LMCD1: variants seen among roughly 807,000 people sequenced by gnomAD.
LMCD1 encodes the protein LIM and cysteine-rich domains protein 1.
In LMCD1, 32 loss-of-function variants were observed where a neutral mutation model predicts 42.7. The ratio of observed to expected loss-of-function variants is 0.75; its 90% CI spans 0.57 to 1.01. The LOEUF (loss-of-function observed/expected upper bound fraction) is 1.01, where lower values mean the gene tolerates loss of function less well. LMCD1 is among the 50% of genes least tolerant of loss of function. The pLI is 0.00. For missense variants in LMCD1, 458 were observed against 483.1 expected, an observed-to-expected ratio of 0.95 and a Z score of 0.49; for synonymous variants, 178 against 184.9, an observed-to-expected ratio of 0.96 and a Z score of 0.30.
intron 1 of LMCD1, among the ~76,000 whole-genome samples, chr3:8,530,188 C>G (rs987886987): frequency 6.6e-6 from 1 of 152,168 alleles, no homozygotes; most frequent in African/African-American, 2.4e-5. Context: ...ATTCTCTGTC[C>G]CACTCCCAAC....
At chr3:8,516,160 A>G (rs13075586) in intron 1 of LMCD1, among the ~76,000 whole-genome samples, 60,290 of 151,900 alleles carry the variant, frequency 0.4, 12,892 homozygotes, top group Non-Finnish European at 0.49. Flanking sequence ...CTGAACCTCG[A>G]GGCCCTCTCT....
chr3:8,518,988 A>G (rs2454587), intron 1 of LMCD1, among the ~76,000 whole-genome samples: 53 of 152,302 alleles, frequency 3.5e-4, no homozygotes, highest in African/African-American at 1.2e-3. Flanking sequence ...GATGGCATAG[A>G]TGAAGCATAG....
chr3:8,545,100 T>C (rs1694708817), intron 3 of LMCD1, among the ~76,000 whole-genome samples: 1 of 152,242 alleles, frequency 6.6e-6, no homozygotes, highest in Non-Finnish European at 1.5e-5. Flanking sequence ...ACCTGAGACC[T>C]TGTCGATTCT....
chr3:8,538,491 G>A (rs1476805772), intron 3 of LMCD1, among the ~76,000 whole-genome samples: 1 of 152,158 alleles, frequency 6.6e-6, no homozygotes, highest in Admixed American at 6.5e-5. Flanking sequence ...CTATCCTTCA[G>A]GCTCCTCCAT....
At chr3:8,528,386 G>A (rs534082759) in intron 1 of LMCD1, among the ~76,000 whole-genome samples, 34 of 152,000 alleles carry the variant, frequency 2.2e-4, no homozygotes, top group African/African-American at 8.0e-4. Flanking sequence ...GTAGGGATTG[G>A]GGTCTCACTA....
chr3:8,571,485 T>C lies in LMCD1; in HGVS notation c.*3887T>C, dbSNP rs999931542. On this transcript the variant is annotated 3_prime_UTR_variant, in exon 6 of 6. Coordinates refer to ENST00000157600, the MANE Select transcript of LMCD1 (RefSeq NM_014583.4). ...CTTCTTCCTAGTGGCAAGGAAGCAGTGGGTGGAGAGGGTGAGTTCCTGTCA... is the reference window on the plus strand; with the variant it reads ...CTTCTTCCTAGTGGCAAGGAAGCAGCGGGTGGAGAGGGTGAGTTCCTGTCA... 2 of 152,036 alleles carry C rather than the reference T, an allele frequency of 1.3e-5. No homozygotes were observed. The highest frequency in any genetic ancestry group is 4.8e-5 in the African/African-American group (2 of 41,364). The allele number at this position is 152,036 out of a possible 1,614,324, so 9.4% of individuals were successfully genotyped here. A position where few individuals can be genotyped will look rare whatever the true frequency, so the allele number is the denominator to read the frequency against.
chr3:8,504,794 T>C (rs1693844969), intron 1 of LMCD1, among the ~76,000 whole-genome samples: 1 of 152,242 alleles, frequency 6.6e-6, no homozygotes, highest in Non-Finnish European at 1.5e-5. Context: ...CCAACATTTC[T>C]TGGTAACAAA....
At chr3:8,555,805 T>C (rs976313094) in intron 4 of LMCD1, among the ~76,000 whole-genome samples, 5 of 139,336 alleles carry the variant, frequency 3.6e-5, no homozygotes, top group Admixed American at 1.5e-4. Context: ...GTACAGGGCA[T>C]ATAGTGAATA....
chr3:8,518,596 C>T (rs1001539512), intron 1 of LMCD1, among the ~76,000 whole-genome samples: 1 of 152,130 alleles, frequency 6.6e-6, no homozygotes, highest in Non-Finnish European at 1.5e-5. Context: ...GGTGGCTGGA[C>T]AGGCAAGGAT....
intron 1 of LMCD1, among the ~76,000 whole-genome samples, chr3:8,520,391 A>G (rs894207634): frequency 1.3e-5 from 2 of 152,218 alleles, no homozygotes. Flanking sequence ...TTAAGGGCAG[A>G]AACCTAAGAA....
rs933775926 is a variant in LMCD1, at chr3:8,573,487, T to C, written c.*5889T>C. On this transcript the variant is annotated 3_prime_UTR_variant, in exon 6 of 6. Coordinates refer to ENST00000157600, the MANE Select transcript of LMCD1 (RefSeq NM_014583.4). The stretch of plus-strand genomic sequence containing the variant: ...ACTTGACTCGCTGGGTTATCAGGCT[T>C]TGGCTCCAAATGTTTGGCTTCAAAT... 5.3e-5 allele frequency: 8 copies of C among 152,204 alleles called. No individual in the cohort carries two copies. The highest frequency in any genetic ancestry group is 1.9e-4 in the African/African-American group (8 of 41,432). 9.4% of individuals were successfully genotyped at this position (152,204 alleles called of 1,614,324 possible).
intron 1 of LMCD1, among the ~76,000 whole-genome samples, chr3:8,526,354 T>A (rs1465245913): frequency 1.3e-5 from 2 of 152,204 alleles, no homozygotes; most frequent in African/African-American, 2.4e-5. Context: ...GATACCTGTG[T>A]CCAAATCTAA....
At chr3:8,522,341 G>A (rs928989049) in intron 1 of LMCD1, among the ~76,000 whole-genome samples, 2 of 152,180 alleles carry the variant, frequency 1.3e-5, no homozygotes, top group Non-Finnish European at 2.9e-5. Flanking sequence ...GGAGACTGCA[G>A]CGGGGAGGAG....
chr3:8,523,396 A>G (rs1172012372), intron 1 of LMCD1, among the ~76,000 whole-genome samples: 2 of 152,238 alleles, frequency 1.3e-5, no homozygotes, highest in Non-Finnish European at 2.9e-5. Flanking sequence ...CAGCTCCCTG[A>G]AGAGCATCTG....
Position 8,565,585 on chromosome 3 carries a change from G to T in LMCD1, c.877G>T (p.Ala293Ser). 6.2e-7 allele frequency: 1 copy of T among 1,611,548 alleles called. No homozygotes were observed. The highest frequency in any genetic ancestry group is 1.3e-5 in the African/African-American group (1 of 75,026). The change falls in exon 5 of 6, where the codon GCA becomes TCA. Residue 293 changes from alanine to serine, a missense_variant. Physicochemically the swap from Ala to Ser is moderately conservative, Grantham distance 99. Coordinates refer to ENST00000157600, the MANE Select transcript of LMCD1 (RefSeq NM_014583.4). ...CCTCATCTACTTCTGGAAGGATGGT[G>T]CACCCTGGTGCGGCCGCCATTACTG... The part of the protein sequence containing the change: ...VDLIYFWKDG[A>S]PWCGRHYCES...
intron 3 of LMCD1, among the ~76,000 whole-genome samples, chr3:8,547,728 T>C (rs1001239724): frequency 1.7e-4 from 19 of 109,774 alleles, no homozygotes; most frequent in Admixed American, 5.5e-4. Context: ...CTGTCTGTAC[T>C]AAAAATACAA....
chr3:8,509,583 C>G (rs779986155), intron 1 of LMCD1, among the ~76,000 whole-genome samples: 3 of 152,216 alleles, frequency 2.0e-5, no homozygotes, highest in Non-Finnish European at 4.4e-5. Flanking sequence ...GCCAAGTAAA[C>G]TTGAGTCTGG....
rs896369423 is a variant in LMCD1, at chr3:8,570,600, T to C, written c.*3002T>C. On this transcript the variant is annotated 3_prime_UTR_variant, in exon 6 of 6. Coordinates refer to ENST00000157600, the MANE Select transcript of LMCD1 (RefSeq NM_014583.4). ...CAGTCCTTTCTCTCCATCCTCGCTT[T>C]CACTCCATCCCCAAAGTCATATCTC... 6 of 152,236 alleles carry C rather than the reference T, an allele frequency of 3.9e-5. No homozygotes were observed. The highest frequency in any genetic ancestry group is 1.4e-4 in the African/African-American group (6 of 41,428). The allele number at this position is 152,236 out of a possible 1,614,324, so 9.4% of individuals were successfully genotyped here. A position where few individuals can be genotyped will look rare whatever the true frequency, so the allele number is the denominator to read the frequency against.
chr3:8,544,221 A>G (rs7340583), intron 3 of LMCD1, among the ~76,000 whole-genome samples: 72,038 of 151,902 alleles, frequency 0.47, 17,735 homozygotes, highest in Non-Finnish European at 0.53. Flanking sequence ...GGATTACATA[A>G]TCTACCCTGA....
Sources: allele counts gnomAD v4.1 joint callset (sites outside exome capture counted in the v4.1 genomes callset), GRCh38; gene constraint gnomAD v4.1.1; transcripts MANE v1.5; gene names NCBI Gene and HGNC (gene_info 2026-07-23, HGNC 2026-07-21).